Variants in RWDD4 observed in about 807,000 individuals in gnomAD.
The protein encoded by RWDD4 is RWD domain containing 4.
Under a neutral mutation model 30.0 loss-of-function variants are expected in RWDD4, and 16 were observed. The observed-to-expected ratio is 0.53, with a 90% CI of 0.36 to 0.81. RWDD4 has a LOEUF of 0.81. RWDD4 is among the 30% of genes least tolerant of loss of function. RWDD4 has a pLI of 0.00. For missense variants in RWDD4, 170 were observed against 223.9 expected (o/e 0.76, Z 1.54); for synonymous variants, 45 against 72.1 (o/e 0.62, Z 1.90).
intron 7 of RWDD4, among the ~76,000 whole-genome samples, chr4:183,643,715 G>C (rs1733914401): frequency 6.6e-6 from 1 of 152,038 alleles, no homozygotes; most frequent in Admixed American, 6.6e-5. Flanking sequence ...TCAGGAGTTG[G>C]AGACCAGCCT....
At chr4:183,643,983 T>G (rs542223501) in intron 7 of RWDD4, among the ~76,000 whole-genome samples, 1 of 152,322 alleles carries the variant, frequency 6.6e-6, no homozygotes, top group South Asian at 2.1e-4. Context: ...TTACTGGTAA[T>G]TTGAATTTTA....
chr4:183,646,513 C>T lies in RWDD4; in HGVS notation c.506G>A (p.Gly169Asp). Residue 169 changes from glycine to aspartate, a missense_variant, in exon 6 of 8, where the codon GGC becomes GAC. Coordinates refer to ENST00000326397, the MANE Select transcript of RWDD4 (RefSeq NM_152682.4). ...KTDHKGELPRGWNWVDVVKHL... is the reference protein window; with the variant it reads ...KTDHKGELPRDWNWVDVVKHL... ...CTTCACAACATCAACCCAGTTCCAG[C>T]CTCGAGGAAGTTCTCCTTTGTGATC... The T allele has an allele frequency of 1.2e-6, 2 of 1,612,146 alleles. No individual in the cohort carries two copies. Among genetic ancestry groups the T allele is most frequent in the Non-Finnish European group, 1.7e-6 (2 of 1,179,556 alleles).
chr4:183,642,819 G>A (rs1579121651), intron 7 of RWDD4, among the ~76,000 whole-genome samples: 1 of 151,896 alleles, frequency 6.6e-6, no homozygotes, highest in South Asian at 2.1e-4. Flanking sequence ...AGCACTTTGG[G>A]AGGCTGAGGC....
chr4:183,645,679 T>C (rs1217539228), intron 7 of RWDD4, among the ~76,000 whole-genome samples: 1 of 151,942 alleles, frequency 6.6e-6, no homozygotes, highest in Non-Finnish European at 1.5e-5. Context: ...TGAGGATCAC[T>C]TAAGCCTGGG....
Position 183,658,722 on chromosome 4 carries a change from G to A in RWDD4, c.24+207C>T, listed in dbSNP as rs1043596837. ...GGGAGACTCCCGGATTTGCAAAAATGAAAAATGAGGGGGGAAGAGTGGCAG... is the reference window on the plus strand; with the variant it reads ...GGGAGACTCCCGGATTTGCAAAAATAAAAAATGAGGGGGGAAGAGTGGCAG... On this transcript the variant is annotated intron_variant, in intron 1 of 7. Coordinates refer to ENST00000326397, the MANE Select transcript of RWDD4 (RefSeq NM_152682.4). Among the ~76,000 whole-genome samples, 4 of 152,332 alleles carry A rather than the reference G, an allele frequency of 2.6e-5. No individual in the cohort carries two copies. The East Asian group carries it at 7.7e-4, about 29-fold the overall frequency.
At chr4:183,654,350 T>C (rs1256095486) in intron 2 of RWDD4, among the ~76,000 whole-genome samples, 1 of 151,804 alleles carries the variant, frequency 6.6e-6, no homozygotes, top group Non-Finnish European at 1.5e-5. Flanking sequence ...CATGGTGGAG[T>C]ATAAGGGGGA....
chr4:183,651,237 C>T lies in RWDD4; in HGVS notation c.196G>A (p.Ala66Thr), dbSNP rs371595803. 2.3e-5 allele frequency: 37 copies of T among 1,613,364 alleles called. No individual in the cohort carries two copies. The highest frequency in any genetic ancestry group is 1.1e-4 in the South Asian group (10 of 91,052). ...ACTCACATGGTGTTGTTAAAAAAAG[C>T]GTTCATAGATAGAATTGGAGGTGTT... Reference protein sequence around the residue: ...PQTPPILSMNAFFNNTISSAV... With the variant: ...PQTPPILSMNTFFNNTISSAV... Residue 66 changes from alanine to threonine, a missense_variant, in exon 3 of 8, where the codon GCT becomes ACT. Coordinates refer to ENST00000326397, the MANE Select transcript of RWDD4 (RefSeq NM_152682.4).
intron 5 of RWDD4, among the ~76,000 whole-genome samples, chr4:183,647,047 C>T (rs1733978628): frequency 6.6e-6 from 1 of 152,208 alleles, no homozygotes; most frequent in Non-Finnish European, 1.5e-5. Flanking sequence ...GATCTGATAA[C>T]ATATTCATTA....
chr4:183,653,563 T>C (rs1017400513), intron 2 of RWDD4: 1 of 152,180 alleles, frequency 6.6e-6, no homozygotes, highest in African/African-American at 2.4e-5. Context: ...AAAATGGTGA[T>C]CTTCTAGTAA....
chr4:183,651,478 G>A, intron 2 of RWDD4, 151 bp from the exon 3 acceptor site: 1 of 645,800 alleles, frequency 1.5e-6, no homozygotes, highest in South Asian at 2.0e-5. Context: ...GGCTAGGACT[G>A]AGCAGGGGTG....
chr4:183,645,597 T>G (rs921166690), intron 7 of RWDD4, among the ~76,000 whole-genome samples: 2 of 91,226 alleles, frequency 2.2e-5, no homozygotes, highest in Non-Finnish European at 4.3e-5. Flanking sequence ...TATCTGTCTC[T>G]GCAAAAAAAA....
chr4:183,652,239 C>T (rs1561012796), intron 2 of RWDD4, among the ~76,000 whole-genome samples: 1 of 152,158 alleles, frequency 6.6e-6, no homozygotes, highest in African/African-American at 2.4e-5. Context: ...TCTAAAGTGT[C>T]CTTTAATAGA....
intron 7 of RWDD4, among the ~76,000 whole-genome samples, chr4:183,641,973 T>A (rs1406768434): frequency 6.6e-6 from 1 of 152,010 alleles, no homozygotes; most frequent in East Asian, 1.9e-4. Context: ...CTAAGAAAAA[T>A]CTTTGGCAGG....
At chr4:183,647,000 A>T (rs1733977944) in intron 5 of RWDD4, among the ~76,000 whole-genome samples, 1 of 152,222 alleles carries the variant, frequency 6.6e-6, no homozygotes, top group Admixed American at 6.5e-5. Context: ...CTTCAAGACT[A>T]AAAGAAGGGC....
chr4:183,655,369 C>T lies in RWDD4; in HGVS notation c.105+512G>A, dbSNP rs1032523662. The stretch of plus-strand genomic sequence containing the variant: ...TGATCTCGGCTCACTGCAAGCTCTG[C>T]CTCCCGGGTTCACGCCATTCTCCTG... On this transcript the variant is annotated intron_variant, in intron 2 of 7. Transcript: ENST00000326397. 2.0e-5 allele frequency among the ~76,000 whole-genome samples: 3 copies of T among 151,928 alleles called. No homozygotes were observed. In the East Asian group the frequency reaches 5.8e-4, roughly 29 times the overall value.
At chr4:183,651,365 A>G in intron 2 of RWDD4, 38 bp from the exon 3 acceptor site, 1 of 1,455,840 alleles carries the variant, frequency 6.9e-7, no homozygotes, top group Non-Finnish European at 9.5e-7. Flanking sequence ...GTAAAAGGTG[A>G]TAAAAAGACA....
intron 2 of RWDD4, among the ~76,000 whole-genome samples, chr4:183,654,971 C>T (rs1290884143): frequency 1.3e-5 from 2 of 151,406 alleles, no homozygotes; most frequent in African/African-American, 4.9e-5. Flanking sequence ...TTTTGAGTCC[C>T]GCTCTGTCGC....
chr4:183,651,219 TG>T lies in RWDD4; in HGVS notation c.213del (p.Ile72TyrfsTer5). 1.2e-6 allele frequency: 2 copies of T among 1,613,382 alleles called. No homozygotes were observed. The highest frequency in any genetic ancestry group is 1.7e-6 in the Non-Finnish European group (2 of 1,179,520). ...CAGTAAAAACAAGACACTACTCACA[TG>T]GTGTTGTTAAAAAAAGCGTTCATAG... ...ILSMNAFFNN[T>X]ISSAVKQSIL... On this transcript the variant is annotated frameshift_variant and splice_region_variant, in exon 3 of 8. Coordinates refer to ENST00000326397, the MANE Select transcript of RWDD4 (RefSeq NM_152682.4). LOFTEE classifies it high-confidence loss of function.
In RWDD4 at chr4:183,655,563, T is replaced by C. The variant is rs547926747; in HGVS notation, c.105+318A>G. Among the ~76,000 whole-genome samples, 181 of 152,190 alleles carry C rather than the reference T, an allele frequency of 1.2e-3. 1 individual carries two copies. The East Asian group carries it at 0.016, about 13-fold the overall frequency. On this transcript the variant is annotated intron_variant, in intron 2 of 7. Transcript: ENST00000326397. ...CCTCCCAAAGTGCTGGGATTACAGG[T>C]GAGAGCCACCGCGCCCAGCCCTACT...
Sources: gnomAD v4.1 joint callset for allele counts (sites outside exome capture counted in the v4.1 genomes callset) on GRCh38, gnomAD v4.1.1 for gene constraint, MANE v1.5 for transcripts, NCBI Gene and HGNC (gene_info 2026-07-23, HGNC 2026-07-21) for gene names.